The following KLRG1 variants were observed in gnomAD, a reference collection of about 807,000 sequenced individuals.
KLRG1 encodes killer cell lectin-like receptor subfamily G member 1.
In KLRG1, 16 loss-of-function variants were observed where a neutral mutation model predicts 21.8. That is an observed-to-expected ratio of 0.73 (90% CI 0.50 to 1.11). The LOEUF is 1.11. KLRG1 is among the 50% of genes most tolerant of loss of function. The probability of loss-of-function intolerance (pLI) is 0.00; values close to 1 mark genes in which losing one functional copy is unlikely to be tolerated. For missense variants in KLRG1, 173 were observed against 218.3 expected (o/e 0.79, Z 1.31); for synonymous variants, 69 against 75.9 (o/e 0.91, Z 0.47).
chr12:9,111,271 G>A, the KLRG1 span, among the ~76,000 whole-genome samples: 1 of 152,184 alleles, frequency 6.6e-6, no homozygotes, highest in African/African-American at 2.4e-5. Context: ...TGTTTTAATG[G>A]AGCTTATGTT....
chr12:9,098,638 A>G, the KLRG1 span: 49 of 1,608,568 alleles, frequency 3.0e-5, no homozygotes, highest in South Asian at 5.3e-4. Context: ...ATCAGGCTTC[A>G]TGAGCAGCAC....
At chr12:9,079,064 A>G in the KLRG1 span, among the ~76,000 whole-genome samples, 2 of 152,160 alleles carry the variant, frequency 1.3e-5, no homozygotes, top group Non-Finnish European at 2.9e-5. Context: ...CTAACATAAC[A>G]TGTATTTGGA....
intron 3 of KLRG1, among the ~76,000 whole-genome samples, chr12:9,002,077 C>T (rs1300574663): frequency 6.6e-6 from 1 of 152,016 alleles, no homozygotes. Flanking sequence ...TAAAATTCTC[C>T]TTGTTTTCAA....
At chr12:9,106,696 G>A in the KLRG1 span, 3 of 602,602 alleles carry the variant, frequency 5.0e-6, no homozygotes, top group Non-Finnish European at 5.8e-6. Context: ...TTTGTGGGGG[G>A]ACAACATCAT....
chr12:9,074,346 C>T, the KLRG1 span, among the ~76,000 whole-genome samples: 1 of 152,118 alleles, frequency 6.6e-6, no homozygotes, highest in Non-Finnish European at 1.5e-5. Flanking sequence ...TGGATAATAA[C>T]ACAGCGATGG....
chr12:9,039,656 A>C, the KLRG1 span, among the ~76,000 whole-genome samples: 2 of 152,158 alleles, frequency 1.3e-5, no homozygotes, highest in East Asian at 3.9e-4. Flanking sequence ...GTGACTTTTC[A>C]GAGGGTGCTG....
the KLRG1 span, chr12:9,152,243 G>C: frequency 2.5e-6 from 4 of 1,610,726 alleles, no homozygotes; most frequent in Non-Finnish European, 3.4e-6. Context: ...GGTTTCAGGG[G>C]AATAAAACCA....
At chr12:8,952,273 A>G (rs1358711594) in intron 1 of KLRG1, among the ~76,000 whole-genome samples, 6 of 152,200 alleles carry the variant, frequency 3.9e-5, no homozygotes, top group African/African-American at 9.6e-5. Flanking sequence ...CTGTATAATC[A>G]TAAGAGAGGA....
chr12:9,186,006 C>T, the KLRG1 span, among the ~76,000 whole-genome samples: 2 of 151,990 alleles, frequency 1.3e-5, no homozygotes, highest in African/African-American at 4.8e-5. Context: ...TGGGGTTTCA[C>T]CATGTTGGCC....
chr12:9,009,951 C>T lies in KLRG1; in HGVS notation c.*414C>T, dbSNP rs1947594856. 6.6e-6 allele frequency: 10 copies of T among 1,525,496 alleles called. No individual in the cohort carries two copies. Among genetic ancestry groups the T allele is most frequent in the African/African-American group, 1.4e-5 (1 of 72,698 alleles). 94.5% of individuals were successfully genotyped at this position (1,525,496 alleles called of 1,614,324 possible). A position where few individuals can be genotyped will look rare whatever the true frequency, so the allele number is the denominator to read the frequency against. The stretch of plus-strand genomic sequence containing the variant: ...ACTAGAGAAGTACATTATTGCTGTA[C>T]TCCTCTGTACATTACTGATCCCTGA... On this transcript the variant is annotated 3_prime_UTR_variant, in exon 5 of 5. Transcript: ENST00000356986.
chr12:9,191,128 T>C, the KLRG1 span, among the ~76,000 whole-genome samples: 715 of 152,272 alleles, frequency 4.7e-3, 1 homozygote, highest in Non-Finnish European at 8.0e-3. Flanking sequence ...TAACTAGTCC[T>C]CATTTTACTA....
chr12:9,080,082 C>T, the KLRG1 span: 1 of 1,566,390 alleles, frequency 6.4e-7, no homozygotes, highest in Non-Finnish European at 8.7e-7. Flanking sequence ...CCACTAGGGG[C>T]TGGAGACTCA....
At chr12:9,177,230 G>A in the KLRG1 span, among the ~76,000 whole-genome samples, 2 of 152,216 alleles carry the variant, frequency 1.3e-5, no homozygotes, top group African/African-American at 4.8e-5. Flanking sequence ...CTCTTGGAAC[G>A]CATTAGCTCT....
At chr12:9,070,816 A>G in the KLRG1 span, among the ~76,000 whole-genome samples, 1 of 142,832 alleles carries the variant, frequency 7.0e-6, no homozygotes, top group Admixed American at 7.1e-5. Context: ...ATGGGGGCTG[A>G]GGATCTGCAT....
chr12:9,029,151 C>A, the KLRG1 span: 37 of 297,146 alleles, frequency 1.2e-4, no homozygotes, highest in Middle Eastern at 1.1e-3. Flanking sequence ...GGCAGAAAGG[C>A]AAAATCTATT....
chr12:9,093,630 A>T, the KLRG1 span: 1 of 1,018,818 alleles, frequency 9.8e-7, no homozygotes, highest in Non-Finnish European at 1.4e-6. Flanking sequence ...GATAAAGCTT[A>T]TGAGAGAATG....
intron 1 of KLRG1, among the ~76,000 whole-genome samples, chr12:8,991,002 A>G (rs771251767): frequency 6.6e-6 from 1 of 152,140 alleles, no homozygotes; most frequent in Non-Finnish European, 1.5e-5. Context: ...TCTCATTATG[A>G]ATTTTTTTCT....
At chr12:9,068,816 G>A in the KLRG1 span, 2 of 1,605,912 alleles carry the variant, frequency 1.2e-6, no homozygotes, top group Non-Finnish European at 1.7e-6. Context: ...GAACCGTGAA[G>A]AACAAGCTCA....
the KLRG1 span, chr12:9,106,172 C>T: frequency 1.0e-6 from 1 of 952,418 alleles, no homozygotes; most frequent in Non-Finnish European, 1.7e-6. Flanking sequence ...TAGCACAAAC[C>T]ATAACTATTG....
Sources: allele counts gnomAD v4.1 joint callset (sites outside exome capture counted in the v4.1 genomes callset), GRCh38; gene constraint gnomAD v4.1.1; transcripts MANE v1.5; gene names NCBI Gene and HGNC (gene_info 2026-07-23, HGNC 2026-07-21).